MYRIP: variants seen among roughly 807,000 people sequenced by gnomAD.
MYRIP encodes the protein rab effector MyRIP.
A neutral mutation model predicts 98.0 loss-of-function variants in MYRIP; 49 were observed. The observed-to-expected ratio is 0.50, with a 90% CI of 0.40 to 0.63. The LOEUF is 0.63. Among genes scored for constraint, MYRIP ranks in the 30% least tolerant of loss-of-function variants. MYRIP has a pLI of 0.00. For synonymous variants in MYRIP, 404 were observed against 409.5 expected, an observed-to-expected ratio of 0.99 and a Z score of 0.16; for missense variants, 1,004 against 1,058.2, an observed-to-expected ratio of 0.95 and a Z score of 0.71.
intron 11 of MYRIP, among the ~76,000 whole-genome samples, chr3:40,210,396 G>A (rs1487241530): frequency 6.6e-6 from 1 of 152,098 alleles, no homozygotes; most frequent in African/African-American, 2.4e-5. Flanking sequence ...GTAAAAATCA[G>A]TATTATTTCC....
intron 2 of MYRIP, among the ~76,000 whole-genome samples, chr3:39,923,804 G>C (rs1390096746): frequency 6.6e-6 from 1 of 152,004 alleles, no homozygotes; most frequent in Non-Finnish European, 1.5e-5. Flanking sequence ...AATACTGTTT[G>C]ATGTTTTAAA....
intron 3 of MYRIP, among the ~76,000 whole-genome samples, chr3:40,149,785 T>C (rs1454866080): frequency 1.3e-5 from 2 of 152,208 alleles, no homozygotes; most frequent in African/African-American, 4.8e-5. Flanking sequence ...ATGCTATCAT[T>C]GCCAAAATCT....
chr3:40,062,541 G>T (rs1948039821), intron 3 of MYRIP, among the ~76,000 whole-genome samples: 2 of 152,160 alleles, frequency 1.3e-5, no homozygotes, highest in African/African-American at 4.8e-5. Context: ...TCTAGAATAT[G>T]TGTAATGTGT....
chr3:40,044,297 T>C, intron 3 of MYRIP, 26 bp downstream of exon 3: 1 of 1,604,498 alleles, frequency 6.2e-7, no homozygotes, highest in Non-Finnish European at 8.5e-7. Context: ...ATTCCCAGGG[T>C]CTACACTGTT....
chr3:39,917,561 C>T (rs1362031211), intron 2 of MYRIP, among the ~76,000 whole-genome samples: 2 of 151,418 alleles, frequency 1.3e-5, no homozygotes, highest in Non-Finnish European at 2.9e-5. Context: ...CATGTAGTTG[C>T]AACTTCTGCT....
At chr3:40,125,194 AT>A (rs1477753186) in intron 3 of MYRIP, among the ~76,000 whole-genome samples, 2 of 152,226 alleles carry the variant, frequency 1.3e-5, no homozygotes, top group East Asian at 3.8e-4. Flanking sequence ...TAGCTCTGTA[AT>A]AGAGTTCTCT....
intron 1 of MYRIP, among the ~76,000 whole-genome samples, chr3:39,844,413 G>A (rs1042541451): frequency 9.9e-5 from 15 of 152,144 alleles, no homozygotes; most frequent in Non-Finnish European, 1.0e-4. Flanking sequence ...TAAATCAGAC[G>A]TGAGGTTTCC....
intron 3 of MYRIP, among the ~76,000 whole-genome samples, chr3:40,109,653 G>A (rs1949119252): frequency 6.6e-6 from 1 of 152,124 alleles, no homozygotes; most frequent in Non-Finnish European, 1.5e-5. Context: ...ATGTGCAGAG[G>A]AGGCCCCATT....
At chr3:39,995,105 A>G (rs958303485) in intron 2 of MYRIP, among the ~76,000 whole-genome samples, 4 of 152,232 alleles carry the variant, frequency 2.6e-5, no homozygotes, top group Non-Finnish European at 5.9e-5. Context: ...CAGCAGAAAA[A>G]CTGGAAACTC....
At chr3:40,067,264 A>G (rs1018409286) in intron 3 of MYRIP, among the ~76,000 whole-genome samples, 2 of 152,174 alleles carry the variant, frequency 1.3e-5, no homozygotes, top group Non-Finnish European at 2.9e-5. Context: ...GAAATGCATC[A>G]CTTACCTACC....
chr3:39,948,332 C>G (rs1944943131), intron 2 of MYRIP, among the ~76,000 whole-genome samples: 1 of 151,948 alleles, frequency 6.6e-6, no homozygotes, highest in African/African-American at 2.4e-5. Context: ...AATTACTAAT[C>G]AAGGAAACAA....
chr3:40,247,825 C>A (rs115160643), intron 13 of MYRIP, among the ~76,000 whole-genome samples: 83 of 152,370 alleles, frequency 5.4e-4, no homozygotes, highest in African/African-American at 1.9e-3. Context: ...CCAAACAGCT[C>A]ACATTCTTAA....
chr3:40,209,458 T>C (rs1479506253), intron 10 of MYRIP, among the ~76,000 whole-genome samples: 1 of 152,138 alleles, frequency 6.6e-6, no homozygotes, highest in African/African-American at 2.4e-5. Flanking sequence ...TGTACAATTA[T>C]TAGGTATCAA....
chr3:40,203,931 AT>A (rs1460624960), intron 10 of MYRIP, among the ~76,000 whole-genome samples: 22 of 266 alleles, frequency 0.083, 1 homozygote, highest in African/African-American at 0.11. Context: ...TAAATATAAT[AT>A]AATATATATT....
intron 3 of MYRIP, among the ~76,000 whole-genome samples, chr3:40,138,908 A>G (rs1330679145): frequency 1.3e-5 from 2 of 152,234 alleles, no homozygotes; most frequent in South Asian, 2.1e-4. Flanking sequence ...ATAGAACACT[A>G]GAACTTATTC....
intron 1 of MYRIP, among the ~76,000 whole-genome samples, chr3:39,815,313 C>T (rs1318781045): frequency 6.6e-6 from 1 of 152,136 alleles, no homozygotes; most frequent in Non-Finnish European, 1.5e-5. Flanking sequence ...TGGCTTCTTT[C>T]ACTTAGTGTA....
intron 4 of MYRIP, among the ~76,000 whole-genome samples, chr3:40,161,551 A>G (rs1387330399): frequency 6.6e-6 from 1 of 152,042 alleles, no homozygotes. Flanking sequence ...TTGGTCTTGC[A>G]TCTTATCCCT....
At chr3:40,091,126 G>A (rs929442542) in intron 3 of MYRIP, among the ~76,000 whole-genome samples, 6 of 152,212 alleles carry the variant, frequency 3.9e-5, no homozygotes, top group African/African-American at 1.4e-4. Flanking sequence ...TTGTGGCTCT[G>A]GAGCCTTCAT....
intron 2 of MYRIP, among the ~76,000 whole-genome samples, chr3:39,964,842 T>C (rs1945403423): frequency 6.6e-6 from 1 of 152,198 alleles, no homozygotes; most frequent in African/African-American, 2.4e-5. Context: ...AATCTTCATT[T>C]AATATGTGTA....
Sources: gnomAD v4.1 joint callset for allele counts (sites outside exome capture counted in the v4.1 genomes callset) on GRCh38, gnomAD v4.1.1 for gene constraint, MANE v1.5 for transcripts, NCBI Gene and HGNC (gene_info 2026-07-23, HGNC 2026-07-21) for gene names.